CHSY1: variants seen among roughly 807,000 people sequenced by gnomAD.
CHSY1 encodes the protein chondroitin sulfate synthase 1, also known as N-acetylgalactosaminyl-proteoglycan 3-beta-glucuronosyltransferase 1.
CHSY1 carries 13 observed loss-of-function variants against 59.8 expected under a neutral mutation model. The observed-to-expected ratio is 0.22, with a 90% confidence interval of 0.14 to 0.35. The LOEUF is 0.35. CHSY1 is among the 10% of genes least tolerant of loss of function. The probability of loss-of-function intolerance (pLI) is 1.00; values close to 1 mark genes in which losing one functional copy is unlikely to be tolerated. For synonymous variants in CHSY1, 459 were observed against 401.2 expected, an observed-to-expected ratio of 1.14 and a Z score of -1.72; for missense variants, 947 against 1,030.6, an observed-to-expected ratio of 0.92 and a Z score of 1.11.
intron 2 of CHSY1, among the ~76,000 whole-genome samples, chr15:101,233,996 T>C (rs1176964420): frequency 3.9e-5 from 6 of 152,244 alleles, no homozygotes; most frequent in Non-Finnish European, 7.3e-5. Context: ...GCCAGGAGTT[T>C]ATCAACCTAA....
intron 2 of CHSY1, among the ~76,000 whole-genome samples, chr15:101,221,015 T>A (rs1415595038): frequency 6.6e-6 from 1 of 152,164 alleles, no homozygotes; most frequent in African/African-American, 2.4e-5. Flanking sequence ...CGCCTTATCA[T>A]GCCTGTATTG....
intron 2 of CHSY1, among the ~76,000 whole-genome samples, chr15:101,228,985 C>G (rs186973796): frequency 6.6e-6 from 1 of 152,288 alleles, no homozygotes; most frequent in East Asian, 1.9e-4. Flanking sequence ...AACACAGCTA[C>G]ACATGAGCAA....
intron 2 of CHSY1, among the ~76,000 whole-genome samples, chr15:101,229,214 A>C (rs556392411): frequency 3.8e-4 from 58 of 152,372 alleles, no homozygotes; most frequent in Middle Eastern, 3.4e-3. Context: ...GTCCTCCTCT[A>C]TCAGTAATTA....
Position 101,179,175 on chromosome 15 carries a change from G to C in CHSY1, c.817-195C>G, listed in dbSNP as rs7164068. Among the ~76,000 whole-genome samples the C allele has an allele frequency of 0.11, 16,487 of 152,182 alleles. 971 individuals carry two copies. The highest frequency in any genetic ancestry group is 0.23 in the East Asian group (1,169 of 5,164). ...GATAGAAACTGCTTAAGGAAGTAAG[G>C]GTTAATAACCAAAGTTGGCCAATAT... On this transcript the variant is annotated intron_variant, in intron 2 of 2. Coordinates refer to ENST00000254190, the MANE Select transcript of CHSY1 (RefSeq NM_014918.5).
chr15:101,178,523 C>A lies in CHSY1; in HGVS notation c.1274G>T (p.Arg425Leu). The stretch of plus-strand genomic sequence containing the variant: ...CTGGATCTCTTTGAAGTCAATGATG[C>A]GCCCTCTGGTCTTGGCGTTGGCATT... ...MINANAKTRG[R>L]IIDFKEIQYG... The change falls in exon 3 of 3, where the codon CGC becomes CTC. Residue 425 changes from arginine (R) to leucine (L), a missense_variant. By Grantham distance (102) the Arg-to-Leu change is moderately radical. Around this residue, in one of 4 missense-constraint regions of CHSY1, gnomAD observed 602 missense variants for 676.9 expected, o/e 0.89. Coordinates refer to ENST00000254190, the MANE Select transcript of CHSY1 (RefSeq NM_014918.5). The A allele has an allele frequency of 6.2e-7, 1 of 1,614,220 alleles. No individual in the cohort carries two copies. Among genetic ancestry groups the A allele is most frequent in the Non-Finnish European group, 8.5e-7 (1 of 1,180,040 alleles).
chr15:101,230,223 C>T (rs1196973311), intron 2 of CHSY1, among the ~76,000 whole-genome samples: 3 of 152,248 alleles, frequency 2.0e-5, no homozygotes, highest in South Asian at 2.1e-4. Flanking sequence ...CCGCCACGCC[C>T]GGCCCTAATA....
At chr15:101,221,329 T>TAAC (rs1038992061) in intron 2 of CHSY1, among the ~76,000 whole-genome samples, 2 of 152,130 alleles carry the variant, frequency 1.3e-5, no homozygotes, top group East Asian at 1.9e-4. Flanking sequence ...TCCTCTCTAC[T>TAAC]AACAACAACA....
intron 1 of CHSY1, among the ~76,000 whole-genome samples, chr15:101,240,307 T>C (rs2038989426): frequency 6.6e-6 from 1 of 152,246 alleles, no homozygotes; most frequent in African/African-American, 2.4e-5. Flanking sequence ...GCATTAATAA[T>C]TTCAAATAAT....
At chr15:101,206,772 C>G (rs1037426015) in intron 2 of CHSY1, among the ~76,000 whole-genome samples, 6 of 152,162 alleles carry the variant, frequency 3.9e-5, no homozygotes, top group Non-Finnish European at 8.8e-5. Context: ...AGAGAGTGAA[C>G]AAATATTCCC....
intron 2 of CHSY1, among the ~76,000 whole-genome samples, chr15:101,198,135 G>C (rs2038528903): frequency 6.6e-6 from 1 of 152,050 alleles, no homozygotes; most frequent in Non-Finnish European, 1.5e-5. Context: ...GTGAGTGAGA[G>C]ACCCGCTCCC....
rs575837909 is a variant in CHSY1 at position 101,176,177 on chromosome 15, TACTA to T, written c.*1207_*1210del. The stretch of plus-strand genomic sequence containing the variant: ...ACACACTCCCGATACACATAAATAA[TACTA>T]ACTAACAGGTACTCAAGAAATGGCA... On this transcript the variant is annotated 3_prime_UTR_variant, in exon 3 of 3. Transcript: ENST00000254190. The T allele has an allele frequency of 1.0e-3, 415 of 398,458 alleles. No homozygotes were observed. The highest frequency in any genetic ancestry group is 1.6e-3 in the Non-Finnish European group (358 of 225,920). 24.7% of individuals were successfully genotyped at this position (398,458 alleles called of 1,614,324 possible). A position where few individuals can be genotyped will look rare whatever the true frequency, so the allele number is the denominator to read the frequency against.
At chr15:101,229,644 C>T (rs2038873507) in intron 2 of CHSY1, among the ~76,000 whole-genome samples, 1 of 152,186 alleles carries the variant, frequency 6.6e-6, no homozygotes, top group African/African-American at 2.4e-5. Context: ...CAGTGGCTCA[C>T]ACTTGTGATC....
At chr15:101,217,908 ACT>A (rs1185193609) in intron 2 of CHSY1, among the ~76,000 whole-genome samples, 3 of 152,152 alleles carry the variant, frequency 2.0e-5, no homozygotes, top group Non-Finnish European at 2.9e-5. Flanking sequence ...GGAAAGGGTA[ACT>A]CTGCAGTGAA....
chr15:101,248,055 A>G (rs72768600), intron 1 of CHSY1, among the ~76,000 whole-genome samples: 15,279 of 152,030 alleles, frequency 0.1, 1,015 homozygotes, highest in Middle Eastern at 0.18. Context: ...TGTTTTTTTT[A>G]AAAAACAAAA....
At chr15:101,181,024 A>C (rs549112393) in intron 2 of CHSY1, among the ~76,000 whole-genome samples, 2 of 152,336 alleles carry the variant, frequency 1.3e-5, no homozygotes, top group South Asian at 4.1e-4. Context: ...GTCATTTTAC[A>C]ATCCTGTTGG....
rs329295 is a variant in CHSY1, at chr15:101,206,258, G to A, written c.817-27278C>T. On this transcript the variant is annotated intron_variant, in intron 2 of 2. Transcript: ENST00000254190. ...TGGTGTGCCTCGTGCGCCACGGAGT[G>A]AAACTAGACAGACAAGGGAAAACCC... Among the ~76,000 whole-genome samples, 1,055 of 152,252 alleles carry A rather than the reference G, an allele frequency of 6.9e-3. 24 individuals carry two copies. Among genetic ancestry groups the A allele is most frequent in the Non-Finnish European group, 9.0e-3 (610 of 68,012 alleles).
Position 101,178,867 on chromosome 15 carries a change from G to C in CHSY1, c.930C>G (p.Pro310=). ...AITLHPNKNP[P]YQYRLHSYML... is the part of the protein sequence containing the mutation. The stretch of plus-strand genomic sequence containing the variant: ...TGTAGCTGTGGAGCCTGTACTGGTA[G>C]GGTGGGTTTTTGTTGGGGTGTAATG... The change falls in exon 3 of 3, where the codon CCC becomes CCG. Residue 310 remains proline, a synonymous_variant. Transcript: ENST00000254190. 10 of 1,614,158 alleles carry C rather than the reference G, an allele frequency of 6.2e-6. No homozygotes were observed. Among genetic ancestry groups the C allele is most frequent in the Non-Finnish European group, 8.5e-6 (10 of 1,180,020 alleles).
At chr15:101,197,997 C>T (rs181677411) in intron 2 of CHSY1, among the ~76,000 whole-genome samples, 49 of 152,250 alleles carry the variant, frequency 3.2e-4, no homozygotes, top group African/African-American at 9.4e-4. Flanking sequence ...TCCGTCACGT[C>T]GCACAGACTG....
Position 101,176,570 on chromosome 15 carries a change from C to T in CHSY1, c.*818G>A, listed in dbSNP as rs193176744. 2.8e-5 allele frequency: 11 copies of T among 395,346 alleles called. No individual in the cohort carries two copies. Among genetic ancestry groups the T allele is most frequent in the African/African-American group, 6.2e-5 (3 of 48,570 alleles). The allele number at this position is 395,346 out of a possible 1,614,324, so 24.5% of individuals were successfully genotyped here. A position where few individuals can be genotyped will look rare whatever the true frequency, so the allele number is the denominator to read the frequency against. On this transcript the variant is annotated 3_prime_UTR_variant, in exon 3 of 3. Transcript: ENST00000254190. ...CACATACCTCACTGTGCCTTCTTCACGCCCCTTGCTTTAAAACCTACGTGG... is the reference window on the plus strand; with the variant it reads ...CACATACCTCACTGTGCCTTCTTCATGCCCCTTGCTTTAAAACCTACGTGG...
Sources: gnomAD v4.1 joint callset for allele counts (sites outside exome capture counted in the v4.1 genomes callset) on GRCh38, gnomAD v4.1.1 for gene constraint, gnomAD v4.1.1 regional missense constraint, MANE v1.5 for transcripts, NCBI Gene and HGNC (gene_info 2026-07-23, HGNC 2026-07-21) for gene names.